The following WDR72 variants were observed in gnomAD, a reference collection of about 807,000 sequenced individuals.
WDR72 encodes the protein WD repeat-containing protein 72.
A neutral mutation model predicts 124.2 loss-of-function variants in WDR72; 120 were observed. The observed-to-expected ratio is 0.97, with a 90% CI of 0.83 to 1.12. The LOEUF (loss-of-function observed/expected upper bound fraction) is 1.12. WDR72 is among the 50% of genes most tolerant of loss of function. The pLI is 0.00. For missense variants in WDR72, 1,387 were observed against 1,278.8 expected (o/e 1.08, Z -1.29); for synonymous variants, 452 against 441.7 (o/e 1.02, Z -0.29).
intron 13 of WDR72, among the ~76,000 whole-genome samples, chr15:53,695,229 A>G (rs1166510967): frequency 6.6e-6 from 1 of 152,254 alleles, no homozygotes; most frequent in African/African-American, 2.4e-5. Flanking sequence ...CCTTCAACAG[A>G]AAGTTACATT....
intron 16 of WDR72, among the ~76,000 whole-genome samples, chr15:53,613,174 C>A (rs2013616571): frequency 6.6e-6 from 1 of 152,046 alleles, no homozygotes; most frequent in South Asian, 2.1e-4. Flanking sequence ...AAGAGGAAAT[C>A]TAAACACTGA....
chr15:53,716,766 T>TTAGTGCTGCAC, intron 3 of WDR72, 81 bp from the exon 4 acceptor site: 1 of 879,396 alleles, frequency 1.1e-6, no homozygotes, highest in Non-Finnish European at 1.9e-6. Context: ...CAAGTTTTTC[T>TTAGTGCTGCAC]TTAGCAGCCT....
At chr15:53,529,161 TATA>T (rs1454739508) in intron 18 of WDR72, among the ~76,000 whole-genome samples, 50 of 53,410 alleles carry the variant, frequency 9.4e-4, no homozygotes, top group African/African-American at 2.7e-3. Flanking sequence ...TATATATATA[TATA>T]TTTTTTTTTT....
chr15:53,555,889 T>TAAAG (rs1411314639), intron 18 of WDR72, among the ~76,000 whole-genome samples: 1 of 152,052 alleles, frequency 6.6e-6, no homozygotes, highest in Admixed American at 6.6e-5. Context: ...TTTTACAAAA[T>TAAAG]AAAGAAAGAC....
chr15:53,534,278 G>T (rs182634733), intron 18 of WDR72, among the ~76,000 whole-genome samples: 5 of 152,204 alleles, frequency 3.3e-5, no homozygotes, highest in Admixed American at 3.3e-4. Flanking sequence ...GAATGTTTAT[G>T]TAGCATTGGG....
intron 6 of WDR72, 152 bp downstream of exon 6, chr15:53,714,282 A>G (rs1289375030): frequency 1.3e-5 from 9 of 698,222 alleles, no homozygotes; most frequent in Admixed American, 1.2e-4. Flanking sequence ...ACCCCTGGGA[A>G]GATGGATGGG....
intron 18 of WDR72, among the ~76,000 whole-genome samples, chr15:53,555,086 A>T (rs1893875681): frequency 1.3e-5 from 2 of 152,192 alleles, no homozygotes; most frequent in East Asian, 3.9e-4. Context: ...AAGGAAACTG[A>T]TACGGAGAGA....
At chr15:53,716,300 A>C (rs1415536647) in intron 4 of WDR72, among the ~76,000 whole-genome samples, 1 of 152,176 alleles carries the variant, frequency 6.6e-6, no homozygotes, top group Admixed American at 6.5e-5. Context: ...TTAAAACTGA[A>C]TTTTTACACA....
chr15:53,667,185 C>G (rs1339572409), intron 13 of WDR72, among the ~76,000 whole-genome samples: 1 of 151,918 alleles, frequency 6.6e-6, no homozygotes, highest in Non-Finnish European at 1.5e-5. Flanking sequence ...AACGCCATCT[C>G]TACAAAAAAA....
Position 53,759,624 on chromosome 15 carries a change from C to T in WDR72, c.-13+9G>A, listed in dbSNP as rs1351923725. 2 of 152,350 alleles carry T rather than the reference C, an allele frequency of 1.3e-5. No individual in the cohort carries two copies. The highest frequency in any genetic ancestry group is 2.9e-5 in the Non-Finnish European group (2 of 68,170). The allele number at this position is 152,350 out of a possible 1,614,324, so 9.4% of individuals were successfully genotyped here. A position where few individuals can be genotyped will look rare whatever the true frequency, so the allele number is the denominator to read the frequency against. On this transcript the variant is annotated intron_variant, in intron 1 of 19. Transcript: ENST00000360509. ...AGCCCGACCTGCGCTCTGGGGGTGC[C>T]TGCCTTACCTGAGCCGTGGGGCGGA...
intron 14 of WDR72, among the ~76,000 whole-genome samples, chr15:53,653,625 C>T (rs530943957): frequency 3.9e-5 from 6 of 152,202 alleles, no homozygotes; most frequent in Non-Finnish European, 7.4e-5. Context: ...GTTTTTATCA[C>T]AAGAATGAAT....
At chr15:53,678,279 G>A (rs1363261189) in intron 13 of WDR72, among the ~76,000 whole-genome samples, 1 of 152,034 alleles carries the variant, frequency 6.6e-6, no homozygotes, top group East Asian at 1.9e-4. Flanking sequence ...TTTTACTGAA[G>A]GCTTACGAAA....
chr15:53,706,222 A>G, intron 9 of WDR72, 148 bp from the exon 10 acceptor site: 1 of 1,009,830 alleles, frequency 9.9e-7, no homozygotes, highest in Non-Finnish European at 1.4e-6. Context: ...AAATTAAATG[A>G]AATAATCTGT....
At position 53,705,917 on chromosome 15, in the gene WDR72, A is replaced by C; in HGVS notation, c.1102+10T>G. On this transcript the variant is annotated intron_variant, in intron 10 of 19. Coordinates refer to ENST00000360509, the MANE Select transcript of WDR72 (RefSeq NM_182758.4). The stretch of plus-strand genomic sequence containing the variant: ...AGAAGACATGTTACTAGAAAAGGAA[A>C]CTGACTTACCTCTAGGAGAACCATC... 1 of 1,614,014 alleles carries C rather than the reference A, an allele frequency of 6.2e-7. No individual in the cohort carries two copies. Among genetic ancestry groups the C allele is most frequent in the Non-Finnish European group, 8.5e-7 (1 of 1,179,962 alleles).
Position 53,582,556 on chromosome 15 carries a change from G to A in WDR72, c.3148+14523C>T, listed in dbSNP as rs137939634. 5.9e-3 allele frequency among the ~76,000 whole-genome samples: 890 copies of A among 151,716 alleles called. 7 individuals are homozygous for A. Among genetic ancestry groups the A allele is most frequent in the African/African-American group, 0.02 (815 of 41,420 alleles). On this transcript the variant is annotated intron_variant, in intron 18 of 19. Transcript: ENST00000360509. ...AATTGTGTTTTAGAAAAATCTTATG[G>A]GCTTGTTTCCCCGAATACCTGACCG...
chr15:53,616,863 C>T (rs1450643361), intron 14 of WDR72, among the ~76,000 whole-genome samples: 1 of 151,940 alleles, frequency 6.6e-6, no homozygotes, highest in African/African-American at 2.4e-5. Flanking sequence ...ACCCATTACT[C>T]TCTATAATCT....
intron 13 of WDR72, 146 bp downstream of exon 13, chr15:53,699,604 C>G (rs1260880280): frequency 1.2e-5 from 10 of 805,218 alleles, no homozygotes; most frequent in Non-Finnish European, 1.8e-5. Flanking sequence ...TGCACACATG[C>G]CTTTAACTGA....
chr15:53,610,865 C>T (rs1015313728), intron 16 of WDR72, among the ~76,000 whole-genome samples: 2 of 152,110 alleles, frequency 1.3e-5, no homozygotes. Context: ...TTTCCTCCCT[C>T]TCCCACTTTG....
chr15:53,609,843 T>TACAC (rs72440914), intron 16 of WDR72, among the ~76,000 whole-genome samples: 8,376 of 150,084 alleles, frequency 0.056, 268 homozygotes, highest in Admixed American at 0.086. Flanking sequence ...TGTACATTTA[T>TACAC]ACACACACAC....
Sources: gnomAD v4.1 joint callset for allele counts (sites outside exome capture counted in the v4.1 genomes callset) on GRCh38, gnomAD v4.1.1 for gene constraint, MANE v1.5 for transcripts, NCBI Gene and HGNC (gene_info 2026-07-23, HGNC 2026-07-21) for gene names.